Variants in ZNF423 observed in about 807,000 individuals in gnomAD.
ZNF423 encodes zinc finger protein 423.
A neutral mutation model predicts 95.8 loss-of-function variants in ZNF423; 12 were observed. The ratio of observed to expected loss-of-function variants is 0.13; its 90% CI spans 0.08 to 0.20. The LOEUF is 0.20. Ranked by LOEUF, ZNF423 falls within the 10% of genes least tolerant of loss-of-function variation. The pLI is 1.00. For synonymous variants in ZNF423, 749 were observed against 711.9 expected, an observed-to-expected ratio of 1.05 and a Z score of -0.83; for missense variants, 1,316 against 1,737.1, an observed-to-expected ratio of 0.76 and a Z score of 4.31.
chr16:49,587,422 A>G (rs954837815), intron 5 of ZNF423, among the ~76,000 whole-genome samples: 1 of 152,152 alleles, frequency 6.6e-6, no homozygotes, highest in African/African-American at 2.4e-5. Flanking sequence ...GGGAAGAGTG[A>G]GGCTATGAAC....
intron 5 of ZNF423, among the ~76,000 whole-genome samples, chr16:49,539,342 C>T (rs1169269795): frequency 6.6e-6 from 1 of 152,210 alleles, no homozygotes; most frequent in Non-Finnish European, 1.5e-5. Flanking sequence ...CCCCATACCA[C>T]CTCAGCCACC....
intron 3 of ZNF423, among the ~76,000 whole-genome samples, chr16:49,677,325 G>GAAGAGAAGAGAAGAGAA (rs2031141259): frequency 4.4e-5 from 1 of 22,668 alleles, no homozygotes; most frequent in Non-Finnish European, 9.1e-5. Flanking sequence ...GGGGAAGGGA[G>GAAGAGAAGAGAAGAGAA]GGGAGGGGAG....
chr16:49,513,462 G>A (rs1398869239), intron 7 of ZNF423, among the ~76,000 whole-genome samples: 1 of 152,212 alleles, frequency 6.6e-6, no homozygotes, highest in African/African-American at 2.4e-5. Context: ...AACAGCAGCA[G>A]TACAAAGAGA....
At chr16:49,505,211 G>C (rs1221497507) in intron 7 of ZNF423, among the ~76,000 whole-genome samples, 1 of 152,154 alleles carries the variant, frequency 6.6e-6, no homozygotes, top group Non-Finnish European at 1.5e-5. Flanking sequence ...CCAAGAGCTG[G>C]GATGGAGTAC....
chr16:49,765,894 C>T (rs559066634), intron 2 of ZNF423, among the ~76,000 whole-genome samples: 1 of 152,160 alleles, frequency 6.6e-6, no homozygotes, highest in Non-Finnish European at 1.5e-5. Context: ...TACAGATAGA[C>T]AGTAGAATAG....
At chr16:49,652,893 C>T (rs1318641759) in intron 3 of ZNF423, among the ~76,000 whole-genome samples, 1 of 152,174 alleles carries the variant, frequency 6.6e-6, no homozygotes, top group East Asian at 1.9e-4. Flanking sequence ...CTTGTTTCTA[C>T]ATTTTTCTCA....
intron 5 of ZNF423, among the ~76,000 whole-genome samples, chr16:49,534,557 A>T (rs771470299): frequency 2.0e-5 from 3 of 152,134 alleles, no homozygotes; most frequent in Non-Finnish European, 4.4e-5. Flanking sequence ...CCAGCCTGCC[A>T]TTGTCACTTC....
At chr16:49,712,495 C>A (rs1031087568) in intron 3 of ZNF423, among the ~76,000 whole-genome samples, 1 of 152,232 alleles carries the variant, frequency 6.6e-6, no homozygotes, top group Non-Finnish European at 1.5e-5. Context: ...GGGTTGGCCC[C>A]CAAAACAGCT....
At chr16:49,689,856 A>G (rs2031712517) in intron 3 of ZNF423, among the ~76,000 whole-genome samples, 1 of 152,176 alleles carries the variant, frequency 6.6e-6, no homozygotes, top group South Asian at 2.1e-4. Context: ...CAGAATGGCC[A>G]CATCTCTGGA....
intron 1 of ZNF423, among the ~76,000 whole-genome samples, chr16:49,842,460 T>C (rs1048637052): frequency 2.7e-5 from 4 of 146,116 alleles, no homozygotes; most frequent in African/African-American, 1.0e-4. Context: ...CCCATAAACA[T>C]AAAAGGCCAG....
chr16:49,559,280 C>A (rs551223288), intron 5 of ZNF423, among the ~76,000 whole-genome samples: 1 of 152,188 alleles, frequency 6.6e-6, no homozygotes, highest in Non-Finnish European at 1.5e-5. Flanking sequence ...CTACTCAGTA[C>A]CAAAGGGGGT....
chr16:49,782,562 AACC>A (rs1378096294), intron 2 of ZNF423, among the ~76,000 whole-genome samples: 2 of 152,244 alleles, frequency 1.3e-5, no homozygotes, highest in Non-Finnish European at 1.5e-5. Context: ...GTTCCTCTCA[AACC>A]ACAAGTGTGT....
At chr16:49,652,459 C>A (rs1431498967) in intron 3 of ZNF423, among the ~76,000 whole-genome samples, 1 of 152,080 alleles carries the variant, frequency 6.6e-6, no homozygotes, top group Non-Finnish European at 1.5e-5. Context: ...AAGAGCCCCC[C>A]AAGTCTGCCC....
chr16:49,855,053 C>T lies in ZNF423; in HGVS notation c.40+682G>A. 1.0e-6 allele frequency: 1 copy of T among 984,702 alleles called. No individual in the cohort carries two copies. Among genetic ancestry groups the T allele is most frequent in the Non-Finnish European group, 1.2e-6 (1 of 829,582 alleles). 61.0% of individuals were successfully genotyped at this position (984,702 alleles called of 1,614,324 possible). ...GCCGGCGCCGTGCAGACAATGAACTCCTGGCGGAGGCTCCCTGCCCGGTGG... is the reference window on the plus strand; with the variant it reads ...GCCGGCGCCGTGCAGACAATGAACTTCTGGCGGAGGCTCCCTGCCCGGTGG... On this transcript the variant is annotated intron_variant, in intron 1 of 7. Transcript: ENST00000563137. The surrounding 1 kb of genome is among the most constrained non-coding windows in gnomAD (Gnocchi z 4.7).
chr16:49,686,887 C>A (rs771004050), intron 3 of ZNF423, among the ~76,000 whole-genome samples: 2 of 152,000 alleles, frequency 1.3e-5, no homozygotes, highest in African/African-American at 4.8e-5. Flanking sequence ...TCAGAACCTG[C>A]GATCCCTGCA....
At chr16:49,588,681 A>C (rs1970916832) in intron 5 of ZNF423, among the ~76,000 whole-genome samples, 1 of 152,230 alleles carries the variant, frequency 6.6e-6, no homozygotes, top group Non-Finnish European at 1.5e-5. Context: ...TACGGTAGCT[A>C]TGTCTGCCTC....
chr16:49,628,882 A>C (rs969636430), intron 4 of ZNF423, among the ~76,000 whole-genome samples: 1 of 152,218 alleles, frequency 6.6e-6, no homozygotes, highest in Admixed American at 6.5e-5. Flanking sequence ...GAAACACCCC[A>C]GGGACAGAGG....
chr16:49,492,856 G>A lies in ZNF423; in HGVS notation c.3850-1552C>T, dbSNP rs1307436871. On this transcript the variant is annotated intron_variant, in intron 7 of 7. Transcript: ENST00000563137. This position sits in a 1 kb window ranked among gnomAD's most constrained non-coding sequence, Gnocchi z 4.2. Reference sequence around the variant, plus strand: ...TACAGGCCCAAGGTCACCCAGGTTGGAAGCACCGGGCACTGAACCAGATGG... The same window carrying A: ...TACAGGCCCAAGGTCACCCAGGTTGAAAGCACCGGGCACTGAACCAGATGG... Among the ~76,000 whole-genome samples, 1 of 152,190 alleles carries A rather than the reference G, an allele frequency of 6.6e-6. No individual in the cohort carries two copies. The highest frequency in any genetic ancestry group is 2.4e-5 in the African/African-American group (1 of 41,448).
intron 5 of ZNF423, among the ~76,000 whole-genome samples, chr16:49,621,122 G>A (rs952607936): frequency 1.3e-5 from 2 of 152,192 alleles, no homozygotes; most frequent in Admixed American, 6.5e-5. Context: ...GTCCTCGGAG[G>A]GGGTGAAGGG....
Sources: allele counts gnomAD v4.1 joint callset (sites outside exome capture counted in the v4.1 genomes callset), GRCh38; gene constraint gnomAD v4.1.1; non-coding constraint Gnocchi (gnomAD v3.1); transcripts MANE v1.5; gene names NCBI Gene and HGNC (gene_info 2026-07-23, HGNC 2026-07-21).